The following NVL variants were observed in gnomAD, a reference collection of about 807,000 sequenced individuals.
NVL encodes the protein nuclear VCP like.
A neutral mutation model predicts 110.2 loss-of-function variants in NVL; 84 were observed. The observed-to-expected ratio is 0.76, with a 90% CI of 0.64 to 0.91. The LOEUF (loss-of-function observed/expected upper bound fraction) is 0.91. Among genes scored for constraint, NVL ranks in the 40% least tolerant of loss-of-function variants. The probability of loss-of-function intolerance (pLI) is 0.00; values close to 1 mark genes in which losing one functional copy is unlikely to be tolerated. For missense variants in NVL, 882 were observed against 1,035.9 expected (o/e 0.85, Z 2.04); for synonymous variants, 354 against 361.1 (o/e 0.98, Z 0.22).
intron 18 of NVL, among the ~76,000 whole-genome samples, chr1:224,252,099 C>T (rs921965223): frequency 2.0e-5 from 3 of 152,208 alleles, no homozygotes; most frequent in East Asian, 1.9e-4. Flanking sequence ...CTGTTTACAC[C>T]AGATGTCTTG....
intron 17 of NVL, among the ~76,000 whole-genome samples, chr1:224,269,478 G>A (rs889888057): frequency 6.6e-6 from 1 of 152,156 alleles, no homozygotes; most frequent in East Asian, 1.9e-4. Flanking sequence ...ACATACAAGA[G>A]TATCTGGGAC....
intron 16 of NVL, among the ~76,000 whole-genome samples, chr1:224,275,840 T>C (rs1665706827): frequency 6.6e-6 from 1 of 152,206 alleles, no homozygotes; most frequent in South Asian, 2.1e-4. Context: ...TCAACAGTAT[T>C]TTACATACAC....
rs372844359 is a variant in NVL at position 224,268,065 on chromosome 1, C to T, written c.2151G>A (p.Gln717=). 1.9e-6 allele frequency: 3 copies of T among 1,613,728 alleles called. No individual in the cohort carries two copies. The highest frequency in any genetic ancestry group is 2.5e-6 in the Non-Finnish European group (3 of 1,179,912). Residue 717 remains glutamine, a synonymous_variant, in exon 18 of 23, where the codon CAG becomes CAA. Coordinates refer to ENST00000281701, the MANE Select transcript of NVL (RefSeq NM_002533.4). The part of the protein sequence containing the change: ...TEMDGLEARQ[Q]VFIMAATNRP... Reference sequence around the variant, plus strand: ...TGTTAGTGGCTGCCATAATAAAAACCTGCTGGCGTGCTTCCAGACCATCCA... The same window carrying T: ...TGTTAGTGGCTGCCATAATAAAAACTTGCTGGCGTGCTTCCAGACCATCCA...
chr1:224,297,704 G>A (rs959910135), intron 10 of NVL: 4 of 173,128 alleles, frequency 2.3e-5, no homozygotes, highest in Non-Finnish European at 5.2e-5. Flanking sequence ...AGGCCGTTCA[G>A]AAAACATGGA....
intron 19 of NVL, among the ~76,000 whole-genome samples, chr1:224,237,961 CAAAAAAAAAAA>C (rs200152434): frequency 1.8e-4 from 25 of 135,726 alleles, no homozygotes; most frequent in African/African-American, 7.1e-4. Context: ...GACTTGGTTT[CAAAAAAAAAAA>C]AAAAAAAAAA....
intron 18 of NVL, among the ~76,000 whole-genome samples, chr1:224,253,283 C>T (rs1371503341): frequency 6.6e-6 from 1 of 151,632 alleles, no homozygotes; most frequent in African/African-American, 2.4e-5. Flanking sequence ...AGCTCCTGAC[C>T]TCATGATCCA....
intron 18 of NVL, among the ~76,000 whole-genome samples, chr1:224,254,095 G>GT (rs540321493): frequency 5.7e-4 from 87 of 151,320 alleles, no homozygotes; most frequent in African/African-American, 1.6e-3. Flanking sequence ...TGTACAACAT[G>GT]TTTTTTTTTG....
intron 8 of NVL, among the ~76,000 whole-genome samples, 190 bp downstream of exon 8, chr1:224,304,546 G>A (rs570597830): frequency 1.3e-5 from 2 of 152,018 alleles, no homozygotes; most frequent in Admixed American, 6.6e-5. Context: ...TAAAATAATA[G>A]AAAAGTTCAA....
At chr1:224,259,093 A>G (rs1571862724) in intron 18 of NVL, among the ~76,000 whole-genome samples, 1 of 144,070 alleles carries the variant, frequency 6.9e-6, no homozygotes. Flanking sequence ...GGTGATGAAC[A>G]TTTTTTTTTT....
intron 2 of NVL, among the ~76,000 whole-genome samples, chr1:224,326,064 C>T (rs1007826681): frequency 2.6e-5 from 4 of 152,184 alleles, no homozygotes; most frequent in African/African-American, 9.7e-5. Context: ...GTTGAGATTA[C>T]AGGCATGAGC....
intron 19 of NVL, among the ~76,000 whole-genome samples, chr1:224,247,266 C>T (rs760907703): frequency 3.9e-5 from 6 of 151,968 alleles, no homozygotes; most frequent in Non-Finnish European, 5.9e-5. Context: ...AGTGCAGTGA[C>T]GTGACCATGG....
chr1:224,306,927 AGAGATTTGGAAAG>A (rs1268753123), intron 6 of NVL, among the ~76,000 whole-genome samples: 3 of 152,218 alleles, frequency 2.0e-5, no homozygotes, highest in Admixed American at 1.3e-4. Flanking sequence ...ATTAAAGCAA[AGAGATTTGGAAAG>A]GCCTATTAAT....
At chr1:224,314,347 T>A (rs1316669972) in intron 4 of NVL, among the ~76,000 whole-genome samples, 3 of 152,172 alleles carry the variant, frequency 2.0e-5, no homozygotes, top group East Asian at 3.9e-4. Flanking sequence ...TTATGATAAA[T>A]CTAAATGAAA....
intron 2 of NVL, 26 bp from the exon 3 acceptor site, chr1:224,317,956 C>T (rs1558358038): frequency 6.8e-7 from 1 of 1,481,082 alleles, no homozygotes; most frequent in Non-Finnish European, 9.2e-7. Flanking sequence ...AAGAAGTTTA[C>T]CATAGTAGTC....
intron 16 of NVL, 22 bp downstream of exon 16, chr1:224,281,101 T>C (rs1197205207): frequency 1.2e-6 from 2 of 1,600,024 alleles, no homozygotes. Context: ...TCTAAAATAA[T>C]GGTTCTTGCT....
chr1:224,315,983 C>T (rs1197380746), intron 4 of NVL, among the ~76,000 whole-genome samples: 1 of 152,020 alleles, frequency 6.6e-6, no homozygotes, highest in Non-Finnish European at 1.5e-5. Context: ...TTGCTTGAGC[C>T]CAGGGGTACA....
At chr1:224,233,892 TAAAA>T (rs898340146) in intron 20 of NVL, among the ~76,000 whole-genome samples, 1 of 151,950 alleles carries the variant, frequency 6.6e-6, no homozygotes, top group African/African-American at 2.4e-5. Flanking sequence ...GTAAGCTTAT[TAAAA>T]AGTCATTTAT....
At chr1:224,237,356 C>A (rs1660602466) in intron 19 of NVL, among the ~76,000 whole-genome samples, 2 of 152,136 alleles carry the variant, frequency 1.3e-5, no homozygotes, top group African/African-American at 4.8e-5. Flanking sequence ...CTTTCTTAAT[C>A]ATTTAGCTAA....
intron 2 of NVL, among the ~76,000 whole-genome samples, chr1:224,324,957 T>C (rs952645184): frequency 6.6e-6 from 1 of 152,126 alleles, no homozygotes; most frequent in African/African-American, 2.4e-5. Flanking sequence ...ATAGAGCCTC[T>C]AGAAATAATT....
Sources: allele counts gnomAD v4.1 joint callset (sites outside exome capture counted in the v4.1 genomes callset), GRCh38; gene constraint gnomAD v4.1.1; transcripts MANE v1.5; gene names NCBI Gene and HGNC (gene_info 2026-07-23, HGNC 2026-07-21).